The following COL12A1 variants were observed in gnomAD, a reference collection of about 807,000 sequenced individuals.
The protein encoded by COL12A1 is collagen type XII alpha 1 chain.
A neutral mutation model predicts 349.7 loss-of-function variants in COL12A1; 114 were observed. The observed-to-expected ratio is 0.33, with a 90% CI of 0.28 to 0.38. COL12A1 has a LOEUF of 0.38. Ranked by LOEUF, COL12A1 falls within the 10% of genes least tolerant of loss-of-function variation. The pLI is 1.00. For synonymous variants in COL12A1, 1,369 were observed against 1,329.0 expected (o/e 1.03, Z -0.66); for missense variants, 3,284 against 3,756.9 (o/e 0.87, Z 3.29).
Position 75,123,981 on chromosome 6 carries a change from C to T in COL12A1, c.6838G>A (p.Glu2280Lys). The T allele has an allele frequency of 3.7e-6, 6 of 1,613,466 alleles. No individual in the cohort carries two copies. Among genetic ancestry groups the T allele is most frequent in the Non-Finnish European group, 4.2e-6 (5 of 1,179,578 alleles). The change falls in exon 42 of 66, where the codon GAG (glutamate) becomes AAG (lysine). Residue 2280 changes from glutamate to lysine, a missense_variant. Glu to Lys is a moderately conservative substitution (Grantham distance 56). This residue lies in a region of COL12A1 where 2,601 missense variants were observed against 2,824.8 expected (regional missense o/e 0.92). Transcript: ENST00000322507. ...TCTTTAACAGAGACTCCTGGTCCCT[C>T]GAGATTTGGTGTCTGCACAAAAACA... Reference protein sequence around the residue: ...VTVFVQTPNLEGPGVSVKEHT... With the variant: ...VTVFVQTPNLKGPGVSVKEHT...
At chr6:75,105,063 A>C in intron 54 of COL12A1, 143 bp downstream of exon 54, 1 of 579,358 alleles carries the variant, frequency 1.7e-6, no homozygotes, top group Non-Finnish European at 3.0e-6. Flanking sequence ...CAAATATACT[A>C]AAAAGATGGT....
At position 75,090,194 on chromosome 6, in the gene COL12A1, C is replaced by T. The variant is rs201760746; in HGVS notation, c.8857G>A (p.Ala2953Thr). 3.7e-6 allele frequency: 6 copies of T among 1,613,954 alleles called. No homozygotes were observed. Among genetic ancestry groups the T allele is most frequent in the South Asian group, 1.1e-5 (1 of 91,086 alleles). The part of the protein sequence containing the change: ...PPGPPGPPGS[A>T]GARGEPGPGG... ...GGCCCAGGTTCTCCTCTGGCTCCTG[C>T]GCTACCAGGAGGTCCCGGTGGACCC... Residue 2953 changes from alanine to threonine, a missense_variant, in exon 63 of 66, where the codon GCA becomes ACA. Physicochemically the swap from Ala to Thr is moderately conservative, Grantham distance 58 (BLOSUM62 0). Coordinates refer to ENST00000322507, the MANE Select transcript of COL12A1 (RefSeq NM_004370.6). The surrounding 1 kb of genome is among the most constrained non-coding windows in gnomAD (Gnocchi z 4.1).
Position 75,142,112 on chromosome 6 carries a change from G to A in COL12A1, c.4877C>T (p.Ser1626Leu). 1 of 1,614,142 alleles carries A rather than the reference G, an allele frequency of 6.2e-7. No individual in the cohort carries two copies. Among genetic ancestry groups the A allele is most frequent in the Non-Finnish European group, 8.5e-7 (1 of 1,179,988 alleles). The change falls in exon 27 of 66, where the codon TCA becomes TTA. Residue 1626 changes from serine to leucine, a missense_variant. This residue lies in a region of COL12A1 where 2,601 missense variants were observed against 2,824.8 expected (regional missense o/e 0.92). Coordinates refer to ENST00000322507, the MANE Select transcript of COL12A1 (RefSeq NM_004370.6). ...AACGCTGACTGTGTACAAGGTCTGT[G>A]AGAAGAGGTCTTTGAGGGAAGTGCT... ...ETSTSLKDLF[S>L]QTLYTVSVSA...
In COL12A1 at chr6:75,138,314, T is replaced by A. The variant is rs1766723139; in HGVS notation, c.5251+6A>T. 1 of 1,607,102 alleles carries A rather than the reference T, an allele frequency of 6.2e-7. No individual in the cohort carries two copies. The highest frequency in any genetic ancestry group is 2.2e-5 in the East Asian group (1 of 44,812). ...ATTCAAACAATTCATCAAATTAAAT[T>A]CTTACCTTGTGTTGTTAAGATAGGC... On this transcript the variant is annotated splice_donor_region_variant and intron_variant, in intron 30 of 65. Coordinates refer to ENST00000322507, the MANE Select transcript of COL12A1 (RefSeq NM_004370.6).
At chr6:75,104,035 T>A (rs948298045) in intron 54 of COL12A1, among the ~76,000 whole-genome samples, 1 of 152,210 alleles carries the variant, frequency 6.6e-6, no homozygotes, top group Non-Finnish European at 1.5e-5. Flanking sequence ...ATTTCAAATT[T>A]TCATTTGAAA....
chr6:75,202,447 G>A (rs1034405006), intron 2 of COL12A1, among the ~76,000 whole-genome samples: 10 of 152,184 alleles, frequency 6.6e-5, no homozygotes, highest in Non-Finnish European at 1.3e-4. Context: ...GGCAGTGCAG[G>A]TGGCAGTGTG....
chr6:75,145,334 T>A lies in COL12A1; in HGVS notation c.4682A>T (p.Glu1561Val), dbSNP rs944222774. Residue 1561 changes from glutamate to valine, a missense_variant, in exon 25 of 66, where the codon GAA becomes GTA. Physicochemically the swap from Glu to Val is moderately radical, Grantham distance 121 (BLOSUM62 -2). Transcript: ENST00000322507. ...ACTAAGCAGTAGCTTACAGGTGACT[T>A]CCCGAACAGTGACAGGTTCACTAGT... is the stretch of plus-strand genomic sequence containing the variant. ...DLTSEPVTVR[E>V]VTLPLPRPQD... 7 of 1,608,162 alleles carry A rather than the reference T, an allele frequency of 4.4e-6. No homozygotes were observed. In the African/African-American group the frequency reaches 9.3e-5, roughly 21 times the overall value.
intron 13 of COL12A1, among the ~76,000 whole-genome samples, chr6:75,169,348 C>T (rs1022070663): frequency 1.3e-5 from 2 of 152,072 alleles, no homozygotes; most frequent in African/African-American, 4.8e-5. Context: ...GGGAGAAGAA[C>T]GTAAAGATGC....
chr6:75,198,441 G>T (rs556597634), intron 2 of COL12A1, among the ~76,000 whole-genome samples: 1 of 150,414 alleles, frequency 6.6e-6, no homozygotes, highest in East Asian at 2.0e-4. Flanking sequence ...AATTATATGT[G>T]CATATATTAT....
chr6:75,186,783 A>C (rs534084776), intron 8 of COL12A1, among the ~76,000 whole-genome samples: 1 of 152,328 alleles, frequency 6.6e-6, no homozygotes, highest in South Asian at 2.1e-4. Flanking sequence ...AATACTATAC[A>C]GCCATGAAAA....
rs1442090932 is a variant in COL12A1, at chr6:75,156,357, T to G, written c.3150A>C (p.Thr1050=). The G allele has an allele frequency of 6.2e-7, 1 of 1,613,886 alleles. No homozygotes were observed. The highest frequency in any genetic ancestry group is 8.5e-7 in the Non-Finnish European group (1 of 1,179,920). Residue 1050 remains threonine, a synonymous_variant, in exon 15 of 66, where the codon ACA becomes ACC. Transcript: ENST00000322507. ...TCTGTGGCTGAAGTCGCTTTAACAC[T>G]GTCGAAGTGACTGTGGGGGGCACCT... The part of the protein sequence containing the change: ...VAKVPPTVTS[T]VLKRLQPQTT...
chr6:75,170,015 G>A (rs1243713404), intron 13 of COL12A1, among the ~76,000 whole-genome samples: 2 of 152,178 alleles, frequency 1.3e-5, no homozygotes, highest in African/African-American at 4.8e-5. Context: ...CTCATGATCT[G>A]AACATCCTGA....
chr6:75,202,922 A>C, intron 1 of COL12A1, 95 bp from the exon 2 acceptor site: 1 of 742,484 alleles, frequency 1.3e-6, no homozygotes, highest in Non-Finnish European at 2.2e-6. Context: ...GAACCCGACC[A>C]GATCTGCCTT....
intron 8 of COL12A1, among the ~76,000 whole-genome samples, chr6:75,186,507 T>C (rs1292442331): frequency 1.3e-5 from 2 of 152,234 alleles, no homozygotes; most frequent in Non-Finnish European, 2.9e-5. Context: ...GGAATGCTTA[T>C]ATACTGTTGC....
chr6:75,182,947 T>C, intron 10 of COL12A1, 103 bp downstream of exon 10: 1 of 1,386,964 alleles, frequency 7.2e-7, no homozygotes. Flanking sequence ...AAGTTACTTT[T>C]TCGTGTCTAT....
At chr6:75,141,961 C>A in intron 27 of COL12A1, 71 bp downstream of exon 27, 1 of 1,558,062 alleles carries the variant, frequency 6.4e-7, no homozygotes, top group South Asian at 1.2e-5. Context: ...ACAAAATGAC[C>A]CAGTAAATTG....
In COL12A1 at chr6:75,183,046, T is replaced by G. The variant is rs148292262; in HGVS notation, c.1891+4A>C. 1.3e-6 allele frequency: 2 copies of G among 1,589,572 alleles called. No individual in the cohort carries two copies. Among genetic ancestry groups the G allele is most frequent in the Middle Eastern group, 1.7e-4 (1 of 5,912 alleles). On this transcript the variant is annotated splice_donor_region_variant and intron_variant, in intron 10 of 65. Transcript: ENST00000322507. ...AATAACTTTTACTCTCAAAGTCTAC[T>G]AACCTTTCTTCTTTATAGCTGCCAA...
chr6:75,150,486 T>A (rs1216954186), intron 21 of COL12A1, among the ~76,000 whole-genome samples: 1 of 152,184 alleles, frequency 6.6e-6, no homozygotes, highest in Non-Finnish European at 1.5e-5. Flanking sequence ...TTTCTAAATG[T>A]CTAAACTGTA....
chr6:75,108,371 A>G (rs1252262620), intron 52 of COL12A1, among the ~76,000 whole-genome samples: 2 of 152,142 alleles, frequency 1.3e-5, no homozygotes. Context: ...TATAGGCATG[A>G]GCAATGGTGC....
Sources: allele counts gnomAD v4.1 joint callset (sites outside exome capture counted in the v4.1 genomes callset), GRCh38; gene constraint gnomAD v4.1.1; regional missense constraint gnomAD v4.1.1; non-coding constraint Gnocchi (gnomAD v3.1); transcripts MANE v1.5; gene names NCBI Gene and HGNC (gene_info 2026-07-23, HGNC 2026-07-21).